The following CCDC171 variants were observed in gnomAD, a reference collection of about 807,000 sequenced individuals.
The protein encoded by CCDC171 is coiled-coil domain containing 171.
A neutral mutation model predicts 168.2 loss-of-function variants in CCDC171; 177 were observed. The observed-to-expected ratio is 1.05, with a 90% confidence interval of 0.93 to 1.19. The LOEUF (loss-of-function observed/expected upper bound fraction) is 1.19. CCDC171 is among the 50% of genes most tolerant of loss of function. The probability of loss-of-function intolerance (pLI) is 0.00; values close to 1 mark genes in which losing one functional copy is unlikely to be tolerated. For missense variants in CCDC171, 1,991 were observed against 1,539.0 expected (o/e 1.29, Z -4.91); for synonymous variants, 687 against 540.8 (o/e 1.27, Z -3.75).
intron 3 of CCDC171, among the ~76,000 whole-genome samples, chr9:15,987,970 C>A (rs1832049855): frequency 6.6e-6 from 1 of 152,232 alleles, no homozygotes; most frequent in South Asian, 2.1e-4. Flanking sequence ...CTCAGCCACC[C>A]TTGTGGACAA....
chr9:15,949,096 T>C (rs1165320657), intron 25 of CCDC171, among the ~76,000 whole-genome samples: 2 of 152,116 alleles, frequency 1.3e-5, no homozygotes, highest in African/African-American at 4.8e-5. Flanking sequence ...TCCCCATTGC[T>C]TGTTTTTCTC....
At chr9:16,024,566 A>G (rs1445990768) in intron 6 of CCDC171, among the ~76,000 whole-genome samples, 4 of 152,228 alleles carry the variant, frequency 2.6e-5, no homozygotes, top group African/African-American at 9.6e-5. Context: ...AGGCAGACCT[A>G]GCAACGCAGG....
At chr9:16,081,578 A>C in the CCDC171 span, among the ~76,000 whole-genome samples, 1 of 152,192 alleles carries the variant, frequency 6.6e-6, no homozygotes. Flanking sequence ...GCACATGCAG[A>C]AGGGCCAAGC....
intron 21 of CCDC171, among the ~76,000 whole-genome samples, chr9:15,801,282 A>G (rs1362412261): frequency 1.3e-5 from 2 of 151,762 alleles, no homozygotes; most frequent in Admixed American, 6.6e-5. Flanking sequence ...ACTCTTTTCC[A>G]TTCTTTCAAT....
At chr9:16,054,120 C>T (rs541921849) in intron 1 of CCDC171, among the ~76,000 whole-genome samples, 6 of 152,110 alleles carry the variant, frequency 3.9e-5, no homozygotes, top group Admixed American at 6.5e-5. Flanking sequence ...TATTTGAGTG[C>T]GTGGAAAGAT....
At chr9:15,865,894 G>C (rs1207572937) in intron 23 of CCDC171, among the ~76,000 whole-genome samples, 1 of 151,244 alleles carries the variant, frequency 6.6e-6, no homozygotes, top group Non-Finnish European at 1.5e-5. Flanking sequence ...GTTCTATATA[G>C]ATAGTTATTC....
At chr9:15,787,553 C>A (rs1171962456) in intron 21 of CCDC171, among the ~76,000 whole-genome samples, 1 of 151,914 alleles carries the variant, frequency 6.6e-6, no homozygotes, top group Admixed American at 6.6e-5. Flanking sequence ...TCTCCGTCTC[C>A]TTTTGCTATT....
the CCDC171 span, among the ~76,000 whole-genome samples, chr9:16,086,246 T>G: frequency 1.1e-4 from 16 of 152,098 alleles, no homozygotes; most frequent in Non-Finnish European, 2.1e-4. Flanking sequence ...TGCATAGAGG[T>G]ATTTATAGTA....
intron 7 of CCDC171, chr9:16,036,065 C>G (rs11790826): frequency 7.6e-4 from 116 of 152,340 alleles, no homozygotes; most frequent in African/African-American, 2.6e-3. Context: ...ATTGTTTCCT[C>G]TAATGATCAC....
chr9:15,669,791 T>G (rs939202908), intron 9 of CCDC171, among the ~76,000 whole-genome samples: 1 of 151,978 alleles, frequency 6.6e-6, no homozygotes, highest in Admixed American at 6.6e-5. Flanking sequence ...GACTCAATAT[T>G]TAGGAATTTA....
In CCDC171 at chr9:15,813,622, G is replaced by A. The variant is rs111860075; in HGVS notation, c.3267+28928G>A. Among the ~76,000 whole-genome samples the A allele has an allele frequency of 1.7e-4, 25 of 150,988 alleles. 1 individual carries two copies. The highest frequency in any genetic ancestry group is 5.1e-4 in the African/African-American group (21 of 41,246). ...TACATGTATTTGTGTGTGTGTGTGT[G>A]TATATATATATATATTAAACTATAT... On this transcript the variant is annotated intron_variant, in intron 21 of 25. Transcript: ENST00000380701.
At chr9:16,072,626 T>C in the CCDC171 span, among the ~76,000 whole-genome samples, 5 of 152,176 alleles carry the variant, frequency 3.3e-5, no homozygotes, top group African/African-American at 9.7e-5. Context: ...TGGTTTCTAC[T>C]TGATCTGATG....
Position 15,797,720 on chromosome 9 carries a change from A to T in CCDC171, c.3267+13026A>T, listed in dbSNP as rs569382321. Reference sequence around the variant, plus strand: ...TCCATATTCTAACTTTTATTGTTGTAGTTGATCCTTTTTATATTTCATCTA... The same window carrying T: ...TCCATATTCTAACTTTTATTGTTGTTGTTGATCCTTTTTATATTTCATCTA... On this transcript the variant is annotated intron_variant, in intron 21 of 25. Transcript: ENST00000380701. 3.3e-5 allele frequency among the ~76,000 whole-genome samples: 5 copies of T among 152,172 alleles called. No homozygotes were observed. In the South Asian group the frequency reaches 1.0e-3, roughly 32 times the overall value.
chr9:15,607,098 T>A (rs775313161), intron 6 of CCDC171, among the ~76,000 whole-genome samples: 7 of 152,194 alleles, frequency 4.6e-5, no homozygotes, highest in Non-Finnish European at 8.8e-5. Context: ...ATGATATTGA[T>A]AAAGCCATAA....
At chr9:16,076,481 T>C in the CCDC171 span, among the ~76,000 whole-genome samples, 1 of 152,218 alleles carries the variant, frequency 6.6e-6, no homozygotes. Context: ...GCTTTCATCT[T>C]TCAGAAGCAG....
At chr9:15,808,996 T>A (rs9650685) in intron 21 of CCDC171, among the ~76,000 whole-genome samples, 58,855 of 151,940 alleles carry the variant, frequency 0.39, 14,075 homozygotes, top group East Asian at 0.65. Context: ...AAGGCAGCTC[T>A]AGGGAGCTCT....
chr9:15,940,300 A>C (rs1200656296), intron 25 of CCDC171, among the ~76,000 whole-genome samples: 4 of 151,984 alleles, frequency 2.6e-5, no homozygotes, highest in Admixed American at 2.6e-4. Context: ...TATTTGATCT[A>C]CCTGTAGAAC....
At chr9:15,627,055 G>T (rs1024567560) in intron 7 of CCDC171, among the ~76,000 whole-genome samples, 7 of 152,176 alleles carry the variant, frequency 4.6e-5, no homozygotes, top group African/African-American at 1.7e-4. Flanking sequence ...GAGGGTGTAT[G>T]TGTCGAGGAA....
chr9:15,925,442 A>C (rs1825784242), intron 25 of CCDC171, among the ~76,000 whole-genome samples: 3 of 151,686 alleles, frequency 2.0e-5, no homozygotes, highest in Middle Eastern at 6.8e-3. Flanking sequence ...GAGAGGTCTA[A>C]TATAAGAATG....
Sources: gnomAD v4.1 joint callset for allele counts (sites outside exome capture counted in the v4.1 genomes callset) on GRCh38, gnomAD v4.1.1 for gene constraint, MANE v1.5 for transcripts, NCBI Gene and HGNC (gene_info 2026-07-23, HGNC 2026-07-21) for gene names.